The following NACC2 variants were observed in gnomAD, a reference collection of about 807,000 sequenced individuals.
NACC2 encodes NACC family member 2.
Under a neutral mutation model 25.1 loss-of-function variants are expected in NACC2, and 8 were observed. The observed-to-expected ratio is 0.32, with a 90% CI of 0.19 to 0.57. The LOEUF (loss-of-function observed/expected upper bound fraction) is 0.57. NACC2 is among the 20% of genes least tolerant of loss of function. The pLI is 0.89. For missense variants in NACC2, 644 were observed against 650.2 expected (o/e 0.99, Z 0.10); for synonymous variants, 435 against 294.7 (o/e 1.48, Z -4.88).
intron 2 of NACC2, among the ~76,000 whole-genome samples, chr9:136,041,011 GAAGGA>G (rs1323177911): frequency 1.0e-5 from 1 of 98,334 alleles, no homozygotes; most frequent in Admixed American, 9.4e-5. Flanking sequence ...AGAAAGGAAG[GAAGGA>G]AAGGAAAGGA....
In NACC2 at chr9:136,013,938, C is replaced by T. The variant is rs1372329939; in HGVS notation, c.1083G>A (p.Leu361=). ...CCCCTGCACACAGGTGGCAGTTCAT[C>T]AGCTGGCCGCGTGTGATGTAGACCC... ...GSGVYITRGQ[L]MNCHLCAGVK... The change falls in exon 4 of 6, where the codon CTG becomes CTA. Residue 361 remains leucine (L), a synonymous_variant. Coordinates refer to ENST00000277554, the MANE Select transcript of NACC2 (RefSeq NM_144653.5). This position sits in a 1 kb window ranked among gnomAD's most constrained non-coding sequence, Gnocchi z 6.6. 5.0e-6 allele frequency: 8 copies of T among 1,612,618 alleles called. No individual in the cohort carries two copies. Among genetic ancestry groups the T allele is most frequent in the African/African-American group, 4.0e-5 (3 of 74,904 alleles).
At chr9:136,046,600 G>C (rs568054966) in intron 2 of NACC2, among the ~76,000 whole-genome samples, 1 of 152,122 alleles carries the variant, frequency 6.6e-6, no homozygotes, top group Non-Finnish European at 1.5e-5. Context: ...CGCTGCGGGT[G>C]GGGGGGCTTG....
intron 1 of NACC2, among the ~76,000 whole-genome samples, chr9:136,052,672 G>A (rs1015218337): frequency 8.5e-5 from 13 of 152,168 alleles, no homozygotes; most frequent in African/African-American, 3.1e-4. Context: ...TAAGAAAAGA[G>A]CGACTTTGTG....
chr9:136,013,159 G>GGCCCCCGCCCCCCCC lies in NACC2; in HGVS notation c.1255+39_1255+40insGGGGGGGGCGGGGGC. 1.3e-6 allele frequency: 1 copy of GGCCCCCGCCCCCCCC among 754,890 alleles called. No homozygotes were observed. The highest frequency in any genetic ancestry group is 2.3e-6 in the Non-Finnish European group (1 of 425,914). 46.8% of individuals were successfully genotyped at this position (754,890 alleles called of 1,614,324 possible). On this transcript the variant is annotated intron_variant, in intron 5 of 5. Coordinates refer to ENST00000277554, the MANE Select transcript of NACC2 (RefSeq NM_144653.5). This position sits in a 1 kb window ranked among gnomAD's most constrained non-coding sequence, Gnocchi z 6.6. Reference sequence around the variant, plus strand: ...CTCCTCAGGCTGGGATCTGAACCCAGCCCCGGCCCCACCCACCCGAGAGAC... The same window carrying GGCCCCCGCCCCCCCC: ...CTCCTCAGGCTGGGATCTGAACCCAGGCCCCCGCCCCCCCCCCCCGGCCCCACCCACCCGAGAGAC...
intron 2 of NACC2, among the ~76,000 whole-genome samples, chr9:136,028,526 C>T (rs946716428): frequency 2.0e-5 from 3 of 152,146 alleles, no homozygotes; most frequent in African/African-American, 7.2e-5. Flanking sequence ...CAGGTGATGG[C>T]AGCGGTGGCC....
rs919870975 is a variant in NACC2, at chr9:136,039,306, A to C, written c.886+10330T>G. 7.9e-5 allele frequency among the ~76,000 whole-genome samples: 12 copies of C among 152,366 alleles called. No individual in the cohort carries two copies. The East Asian group carries it at 2.1e-3, about 27-fold the overall frequency. On this transcript the variant is annotated intron_variant, in intron 2 of 5. Transcript: ENST00000277554. ...ATATTGGTAATTAAAGTCAATTGTA[A>C]TTGGTAAGAATGCTGCTAATTACAG...
chr9:136,084,315 C>T lies in NACC2; in HGVS notation c.-60+10874G>A, dbSNP rs576586803. ...CAGCCCCTCCTGTGTCCAGCCCTGT[C>T]CCCATGCACACCTGGGGCCTTCACC... On this transcript the variant is annotated intron_variant, in intron 1 of 5. Coordinates refer to ENST00000277554, the MANE Select transcript of NACC2 (RefSeq NM_144653.5). The surrounding 1 kb of genome is among the most constrained non-coding windows in gnomAD (Gnocchi z 5.1). Among the ~76,000 whole-genome samples the T allele has an allele frequency of 2.0e-4, 30 of 152,302 alleles. No homozygotes were observed. The East Asian group carries it at 5.6e-3, about 28-fold the overall frequency.
At chr9:136,087,821 G>GC (rs2131190864) in intron 1 of NACC2, among the ~76,000 whole-genome samples, 1 of 152,328 alleles carries the variant, frequency 6.6e-6, no homozygotes, top group East Asian at 1.9e-4. Flanking sequence ...CCCCAACGAG[G>GC]CCCCAAGCGC....
At position 136,022,282 on chromosome 9, in the gene NACC2, C is replaced by T. The variant is rs996794214; in HGVS notation, c.887-5853G>A. On this transcript the variant is annotated intron_variant, in intron 2 of 5. Transcript: ENST00000277554. This position sits in a 1 kb window ranked among gnomAD's most constrained non-coding sequence, Gnocchi z 4.4. The stretch of plus-strand genomic sequence containing the variant: ...GGGTGATGAGGTAACGGGTGCCCCA[C>T]ATGCAGTGGGCCTCGGGGAGATGAC... Among the ~76,000 whole-genome samples the T allele has an allele frequency of 6.6e-6, 1 of 152,230 alleles. No homozygotes were observed. Among genetic ancestry groups the T allele is most frequent in the African/African-American group, 2.4e-5 (1 of 41,464 alleles).
chr9:136,078,780 C>T (rs918401763), intron 1 of NACC2, among the ~76,000 whole-genome samples: 2 of 152,258 alleles, frequency 1.3e-5, no homozygotes, highest in Non-Finnish European at 2.9e-5. Context: ...CAGCCACCGC[C>T]GCATCCTGGT....
intron 1 of NACC2, among the ~76,000 whole-genome samples, chr9:136,051,857 G>A (rs1339183430): frequency 5.3e-5 from 8 of 150,724 alleles, no homozygotes; most frequent in African/African-American, 1.7e-4. Context: ...CTGGGGCGGG[G>A]AGGGCGCAGG....
At chr9:136,068,683 G>A (rs1433375268) in intron 1 of NACC2, among the ~76,000 whole-genome samples, 1 of 151,576 alleles carries the variant, frequency 6.6e-6, no homozygotes, top group African/African-American at 2.4e-5. Context: ...CAGTGTATGA[G>A]TGAATTGTAT....
intron 1 of NACC2, among the ~76,000 whole-genome samples, chr9:136,085,694 T>C (rs1269757980): frequency 1.3e-5 from 2 of 152,216 alleles, no homozygotes; most frequent in African/African-American, 4.8e-5. Context: ...AGGGGAGGTT[T>C]ACCTCAAATC....
In NACC2 at chr9:136,020,542, CG is replaced by C. The variant is rs1840276338; in HGVS notation, c.887-4114del. Among the ~76,000 whole-genome samples the C allele has an allele frequency of 6.6e-6, 1 of 152,072 alleles. No individual in the cohort carries two copies. Among genetic ancestry groups the C allele is most frequent in the Non-Finnish European group, 1.5e-5 (1 of 68,002 alleles). On this transcript the variant is annotated intron_variant, in intron 2 of 5. Transcript: ENST00000277554. The surrounding 1 kb of genome is among the most constrained non-coding windows in gnomAD (Gnocchi z 4.7). ...CTGGTGGAGCCCAGCAGAGCCTCGG[CG>C]GGGGTAGGAGGGAGACGGGGAGGCC...
chr9:136,054,990 G>C (rs1034847172), intron 1 of NACC2, among the ~76,000 whole-genome samples: 3 of 152,116 alleles, frequency 2.0e-5, no homozygotes, highest in African/African-American at 7.2e-5. Context: ...CAGACACACA[G>C]AGGAGGCTGG....
intron 2 of NACC2, among the ~76,000 whole-genome samples, chr9:136,033,621 C>T (rs1840504564): frequency 6.9e-6 from 1 of 145,210 alleles, no homozygotes; most frequent in Non-Finnish European, 1.5e-5. Flanking sequence ...TGCACTCCAG[C>T]CCGGGGGACA....
At chr9:136,033,150 G>T (rs1367213517) in intron 2 of NACC2, among the ~76,000 whole-genome samples, 2 of 151,682 alleles carry the variant, frequency 1.3e-5, no homozygotes, top group African/African-American at 4.8e-5. Flanking sequence ...CACTCCAGCC[G>T]GGGCAACAGA....
intron 2 of NACC2, among the ~76,000 whole-genome samples, chr9:136,047,166 C>T (rs1261670370): frequency 6.6e-6 from 1 of 152,138 alleles, no homozygotes; most frequent in Non-Finnish European, 1.5e-5. Flanking sequence ...GCGAGGGCAG[C>T]AGCCAGCCTC....
At chr9:136,067,622 G>A (rs1198889351) in intron 1 of NACC2, among the ~76,000 whole-genome samples, 2 of 152,210 alleles carry the variant, frequency 1.3e-5, no homozygotes, top group Non-Finnish European at 2.9e-5. Context: ...CAGATCACGA[G>A]GTCAAGAGAT....
Sources: allele counts gnomAD v4.1 joint callset (sites outside exome capture counted in the v4.1 genomes callset), GRCh38; gene constraint gnomAD v4.1.1; non-coding constraint Gnocchi (gnomAD v3.1); transcripts MANE v1.5; gene names NCBI Gene and HGNC (gene_info 2026-07-23, HGNC 2026-07-21).